The following GALNTL6 variants were observed in gnomAD, a reference collection of about 807,000 sequenced individuals.
GALNTL6 encodes the protein polypeptide N-acetylgalactosaminyltransferase like 6, also known as polypeptide N-acetylgalactosaminyltransferase-like 6.
In GALNTL6, 46 loss-of-function variants were observed where a neutral mutation model predicts 73.7. The observed-to-expected ratio is 0.62, with a 90% CI of 0.49 to 0.80. The LOEUF is 0.80. Ranked by LOEUF, GALNTL6 falls within the 30% of genes least tolerant of loss-of-function variation. The pLI is 0.00. For synonymous variants in GALNTL6, 259 were observed against 263.7 expected, an observed-to-expected ratio of 0.98 and a Z score of 0.17; for missense variants, 604 against 755.0, an observed-to-expected ratio of 0.80 and a Z score of 2.34.
chr4:172,251,266 T>A (rs1737860335), intron 3 of GALNTL6, among the ~76,000 whole-genome samples: 1 of 152,150 alleles, frequency 6.6e-6, no homozygotes, highest in Non-Finnish European at 1.5e-5. Context: ...AGCCTTCGAC[T>A]GCTTAAATAA....
At chr4:172,456,791 CA>C (rs1161377099) in intron 5 of GALNTL6, among the ~76,000 whole-genome samples, 2 of 152,030 alleles carry the variant, frequency 1.3e-5, no homozygotes, top group Admixed American at 1.3e-4. Context: ...GGATATTATC[CA>C]GGAGAACTTC....
At chr4:172,433,512 T>G (rs1731534568) in intron 5 of GALNTL6, among the ~76,000 whole-genome samples, 1 of 3,100 alleles carries the variant, frequency 3.2e-4, no homozygotes, top group Non-Finnish European at 1.0e-3. Flanking sequence ...AAGATGATCA[T>G]CTTTCCCATT....
At chr4:172,758,780 A>G (rs1377208601) in intron 5 of GALNTL6, among the ~76,000 whole-genome samples, 1 of 152,214 alleles carries the variant, frequency 6.6e-6, no homozygotes, top group Non-Finnish European at 1.5e-5. Flanking sequence ...CATATCCATG[A>G]TGTAAACACT....
intron 2 of GALNTL6, among the ~76,000 whole-genome samples, chr4:172,079,962 G>A (rs1282964838): frequency 1.3e-5 from 2 of 151,890 alleles, no homozygotes; most frequent in East Asian, 1.9e-4. Context: ...TAATCCTAGT[G>A]TCATACTTAG....
intron 10 of GALNTL6, among the ~76,000 whole-genome samples, chr4:173,008,845 C>T (rs1752413653): frequency 6.6e-6 from 1 of 152,156 alleles, no homozygotes; most frequent in African/African-American, 2.4e-5. Context: ...CATCAGAAAT[C>T]CTATGTATAG....
chr4:172,997,408 G>A (rs899968974), intron 10 of GALNTL6, among the ~76,000 whole-genome samples: 10 of 152,142 alleles, frequency 6.6e-5, no homozygotes, highest in African/African-American at 1.9e-4. Context: ...ACAGCATGGC[G>A]AGAGTGCAGA....
At chr4:172,649,175 C>T (rs1579287762) in intron 5 of GALNTL6, among the ~76,000 whole-genome samples, 2 of 151,984 alleles carry the variant, frequency 1.3e-5, no homozygotes, top group Non-Finnish European at 2.9e-5. Flanking sequence ...TTATATATTA[C>T]GAGTCACATT....
At chr4:172,416,934 T>G (rs1181755933) in intron 5 of GALNTL6, among the ~76,000 whole-genome samples, 2 of 152,166 alleles carry the variant, frequency 1.3e-5, no homozygotes, top group African/African-American at 4.8e-5. Context: ...AAGCTTGTGT[T>G]TTATAATCTA....
chr4:172,167,929 G>A lies in GALNTL6; in HGVS notation c.139-61727G>A, dbSNP rs545341783. ...AGCCGAGATTGCGCCACTGCAGTCC[G>A]CAGTCCGGCCTGGGCAACAGAGCGA... On this transcript the variant is annotated intron_variant, in intron 2 of 12. Coordinates refer to ENST00000506823, the MANE Select transcript of GALNTL6 (RefSeq NM_001034845.3). Among the ~76,000 whole-genome samples, 932 of 145,726 alleles carry A rather than the reference G, an allele frequency of 6.4e-3. 5 individuals are homozygous for A. Among genetic ancestry groups the A allele is most frequent in the South Asian group, 0.023 (107 of 4,650 alleles).
chr4:172,650,953 A>AT (rs1740448346), intron 5 of GALNTL6, among the ~76,000 whole-genome samples: 1 of 152,200 alleles, frequency 6.6e-6, no homozygotes, highest in Non-Finnish European at 1.5e-5. Flanking sequence ...GTAATTCAGT[A>AT]TTTTTTCAAG....
At chr4:172,707,382 C>A (rs573312776) in intron 5 of GALNTL6, among the ~76,000 whole-genome samples, 2 of 152,182 alleles carry the variant, frequency 1.3e-5, no homozygotes, top group African/African-American at 2.4e-5. Flanking sequence ...TGACACACCT[C>A]TTAAAATCAC....
rs200305096 is a variant in GALNTL6, at chr4:172,487,250, T to TCTTC, written c.553+138577_553+138580dup. Among the ~76,000 whole-genome samples the TCTTC allele has an allele frequency of 3.0e-4, 45 of 149,832 alleles. No individual in the cohort carries two copies. In the Middle Eastern group the frequency reaches 0.021, roughly 69 times the overall value. Reference sequence around the variant, plus strand: ...TCCTTCCTTCCTGTCTTTCTTTCTTTCTTCCTTCCTTCCTTCCTTTCCTCT... The same window carrying TCTTC: ...TCCTTCCTTCCTGTCTTTCTTTCTTTCTTCCTTCCTTCCTTCCTTCCTTTCCTCT... On this transcript the variant is annotated intron_variant, in intron 5 of 12. Coordinates refer to ENST00000506823, the MANE Select transcript of GALNTL6 (RefSeq NM_001034845.3).
At chr4:171,993,138 T>C (rs899708106) in intron 2 of GALNTL6, among the ~76,000 whole-genome samples, 1 of 152,008 alleles carries the variant, frequency 6.6e-6, no homozygotes, top group South Asian at 2.1e-4. Flanking sequence ...CAATTATTCT[T>C]ATTATAGAAT....
At chr4:172,702,353 CTT>C (rs896646337) in intron 5 of GALNTL6, among the ~76,000 whole-genome samples, 1 of 151,986 alleles carries the variant, frequency 6.6e-6, no homozygotes, top group African/African-American at 2.4e-5. Flanking sequence ...TCTCACATCT[CTT>C]CTCATTCCAT....
At chr4:172,351,506 G>A (rs1180631427) in intron 5 of GALNTL6, among the ~76,000 whole-genome samples, 1 of 152,080 alleles carries the variant, frequency 6.6e-6, no homozygotes, top group Non-Finnish European at 1.5e-5. Flanking sequence ...ACTATTAGAA[G>A]AAAAGGAAGA....
At chr4:171,956,119 C>T (rs1400001708) in intron 2 of GALNTL6, among the ~76,000 whole-genome samples, 1 of 125,662 alleles carries the variant, frequency 8.0e-6, no homozygotes, top group East Asian at 2.6e-4. Flanking sequence ...CCTCCCGCCA[C>T]AGTCTCCAGA....
At position 172,749,320 on chromosome 4, in the gene GALNTL6, C is replaced by T. The variant is rs141043090; in HGVS notation, c.554-60041C>T. 5.5e-4 allele frequency among the ~76,000 whole-genome samples: 84 copies of T among 152,122 alleles called. No homozygotes were observed. The East Asian group carries it at 0.016, about 29-fold the overall frequency. ...TTGATAGTCTTTACAATTTAATTAT[C>T]AGCTATAATATTTAAACCATGTGAA... On this transcript the variant is annotated intron_variant, in intron 5 of 12. Transcript: ENST00000506823.
At chr4:172,541,538 C>T (rs1411158544) in intron 5 of GALNTL6, among the ~76,000 whole-genome samples, 2 of 152,148 alleles carry the variant, frequency 1.3e-5, no homozygotes, top group African/African-American at 4.8e-5. Flanking sequence ...TATCAGAAAG[C>T]TTTACAGCAG....
Position 172,716,321 on chromosome 4 carries a change from G to A in GALNTL6, c.554-93040G>A, listed in dbSNP as rs530026882. 3.9e-5 allele frequency among the ~76,000 whole-genome samples: 6 copies of A among 152,188 alleles called. No individual in the cohort carries two copies. The East Asian group carries it at 7.7e-4, about 20-fold the overall frequency. The stretch of plus-strand genomic sequence containing the variant: ...AACTGTAGCTCATGGAGCAGCAGCC[G>A]GATCCCCAAAACCCAGTCCATGTTA... On this transcript the variant is annotated intron_variant, in intron 5 of 12. Transcript: ENST00000506823.
Sources: allele counts gnomAD v4.1 joint callset (sites outside exome capture counted in the v4.1 genomes callset), GRCh38; gene constraint gnomAD v4.1.1; transcripts MANE v1.5; gene names NCBI Gene and HGNC (gene_info 2026-07-23, HGNC 2026-07-21).